Variants in METTL15 observed in about 807,000 individuals in gnomAD.
The protein encoded by METTL15 is methyltransferase 15, mitochondrial 12S rRNA N4-cytidine, also known as 12S rRNA N(4)-cytidine methyltransferase METTL15.
METTL15 carries 34 observed loss-of-function variants against 38.3 expected under a neutral mutation model. That is an observed-to-expected ratio of 0.89 (90% CI 0.68 to 1.18). The LOEUF (loss-of-function observed/expected upper bound fraction) is 1.18, where lower values mean the gene tolerates loss of function less well. METTL15 is among the 50% of genes most tolerant of loss of function. METTL15 has a pLI of 0.00. For synonymous variants in METTL15, 162 were observed against 170.9 expected (o/e 0.95, Z 0.41); for missense variants, 438 against 498.4 (o/e 0.88, Z 1.15).
At chr11:28,487,061 T>C (rs1377291174) in intron 6 of METTL15, among the ~76,000 whole-genome samples, 1 of 152,188 alleles carries the variant, frequency 6.6e-6, no homozygotes, top group Non-Finnish European at 1.5e-5. Context: ...TTTTTTAAGA[T>C]GTTCAAATAT....
At chr11:28,125,265 G>T (rs1164340376) in intron 3 of METTL15, among the ~76,000 whole-genome samples, 3 of 152,022 alleles carry the variant, frequency 2.0e-5, no homozygotes, top group African/African-American at 2.4e-5. Context: ...TTCAGAGTAG[G>T]TATTAAAATT....
chr11:28,328,074 T>C (rs1269953811), intron 6 of METTL15: 1 of 1,601,048 alleles, frequency 6.2e-7, no homozygotes, highest in Non-Finnish European at 8.5e-7. Context: ...CATGAAAATA[T>C]ATGTTTGTTC....
At chr11:28,507,008 G>A (rs11030357) in intron 6 of METTL15, among the ~76,000 whole-genome samples, 1 of 151,916 alleles carries the variant, frequency 6.6e-6, no homozygotes, top group South Asian at 2.1e-4. Flanking sequence ...GCCTCCCAAA[G>A]TGCTGGAATT....
intron 4 of METTL15, among the ~76,000 whole-genome samples, chr11:28,355,692 A>T (rs1218606681): frequency 6.6e-6 from 1 of 152,150 alleles, no homozygotes. Flanking sequence ...TGCATAAGTT[A>T]TATGCAGTAT....
At chr11:28,295,781 G>A (rs1277349807) in intron 5 of METTL15, among the ~76,000 whole-genome samples, 1 of 151,926 alleles carries the variant, frequency 6.6e-6, no homozygotes. Context: ...AGAGTTTCAG[G>A]TGTTTGTTGG....
At chr11:28,211,509 T>C (rs1277903697) in intron 4 of METTL15, among the ~76,000 whole-genome samples, 1 of 152,024 alleles carries the variant, frequency 6.6e-6, no homozygotes, top group Non-Finnish European at 1.5e-5. Context: ...AAAAAATAAT[T>C]TTTAAACATT....
chr11:28,372,980 T>C (rs1457594440), intron 5 of METTL15, among the ~76,000 whole-genome samples: 1 of 151,764 alleles, frequency 6.6e-6, no homozygotes, highest in African/African-American at 2.4e-5. Context: ...TAGTATTCCA[T>C]GGTGTATATG....
At chr11:28,175,318 G>C (rs746186517) in intron 3 of METTL15, among the ~76,000 whole-genome samples, 1 of 152,092 alleles carries the variant, frequency 6.6e-6, no homozygotes, top group Non-Finnish European at 1.5e-5. Flanking sequence ...TGGTGTATAT[G>C]TGCCACATTT....
chr11:28,465,309 C>A (rs1206070895), intron 6 of METTL15, among the ~76,000 whole-genome samples: 9 of 152,096 alleles, frequency 5.9e-5, no homozygotes, highest in Admixed American at 5.9e-4. Flanking sequence ...CCCTTCTTGT[C>A]CTTTCAATGT....
chr11:28,395,218 G>A (rs753756067), intron 5 of METTL15, among the ~76,000 whole-genome samples: 37 of 152,176 alleles, frequency 2.4e-4, no homozygotes, highest in Non-Finnish European at 4.0e-4. Context: ...TGTGTTTAGT[G>A]TTAGGTGCAG....
chr11:28,159,305 A>T (rs764202950), intron 3 of METTL15, among the ~76,000 whole-genome samples: 36 of 152,084 alleles, frequency 2.4e-4, no homozygotes, highest in Non-Finnish European at 4.7e-4. Flanking sequence ...AGTTGCATGG[A>T]ATACAGGAGA....
chr11:28,457,494 C>T lies in METTL15; in HGVS notation c.*424+33130C>T, dbSNP rs149192263. 9.8e-5 allele frequency among the ~76,000 whole-genome samples: 15 copies of T among 152,332 alleles called. No individual in the cohort carries two copies. The East Asian group carries it at 2.9e-3, about 29-fold the overall frequency. On this transcript the variant is annotated intron_variant and NMD_transcript_variant, in intron 6 of 7. Transcript: ENST00000532947. ...TTAGCTATTTATATTTTGATCCACT[C>T]AAGCAGTCTGAAAGGTTGATAGGGC...
chr11:28,149,139 G>A (rs960978100), intron 3 of METTL15, among the ~76,000 whole-genome samples: 1 of 151,232 alleles, frequency 6.6e-6, no homozygotes, highest in Admixed American at 6.6e-5. Context: ...TTTCAAGTAG[G>A]AGCTTGGTAC....
At chr11:28,308,539 T>A (rs1464263859) in intron 6 of METTL15, among the ~76,000 whole-genome samples, 1 of 152,146 alleles carries the variant, frequency 6.6e-6, no homozygotes, top group Non-Finnish European at 1.5e-5. Context: ...AGGATTGTAA[T>A]TGTTTATGTA....
At chr11:28,258,759 CA>C (rs1855076655) in intron 4 of METTL15, among the ~76,000 whole-genome samples, 2 of 152,132 alleles carry the variant, frequency 1.3e-5, no homozygotes, top group Non-Finnish European at 2.9e-5. Flanking sequence ...GCTTAGGACT[CA>C]CCCTTGAGGG....
At chr11:28,502,147 A>C in intron 6 of METTL15, among the ~76,000 whole-genome samples, 1 of 151,896 alleles carries the variant, frequency 6.6e-6, no homozygotes, top group East Asian at 1.9e-4. Flanking sequence ...GGGCACAGAA[A>C]CCATAGACCC....
chr11:28,288,477 C>T (rs1856377436), intron 4 of METTL15, among the ~76,000 whole-genome samples: 1 of 152,160 alleles, frequency 6.6e-6, no homozygotes, highest in African/African-American at 2.4e-5. Context: ...CAATACTAAG[C>T]AGCCATAAAA....
At chr11:28,368,162 A>C (rs1850207046) in intron 5 of METTL15, among the ~76,000 whole-genome samples, 2 of 151,172 alleles carry the variant, frequency 1.3e-5, no homozygotes, top group Non-Finnish European at 3.0e-5. Flanking sequence ...CAAAAAAAAA[A>C]ACAAAGAAAA....
chr11:28,506,694 A>T (rs1289694270), intron 6 of METTL15, among the ~76,000 whole-genome samples: 2 of 147,628 alleles, frequency 1.4e-5, no homozygotes, highest in African/African-American at 5.0e-5. Flanking sequence ...TGTCAAAATC[A>T]TGGAGTTTAT....
Sources: allele counts gnomAD v4.1 joint callset (sites outside exome capture counted in the v4.1 genomes callset), GRCh38; gene constraint gnomAD v4.1.1; transcripts MANE v1.5; gene names NCBI Gene and HGNC (gene_info 2026-07-23, HGNC 2026-07-21).